The following ETV6 variants were observed in gnomAD, a reference collection of about 807,000 sequenced individuals.
The protein encoded by ETV6 is transcription factor ETV6.
In ETV6, 16 loss-of-function variants were observed where a neutral mutation model predicts 51.1. The ratio of observed to expected loss-of-function variants is 0.31; its 90% CI spans 0.21 to 0.48. ETV6 has a LOEUF of 0.48. Among genes scored for constraint, ETV6 ranks in the 20% least tolerant of loss-of-function variants. ETV6 has a pLI of 0.99. For synonymous variants in ETV6, 240 were observed against 224.1 expected, an observed-to-expected ratio of 1.07 and a Z score of -0.64; for missense variants, 458 against 594.8, an observed-to-expected ratio of 0.77 and a Z score of 2.39.
chr12:11,867,375 A>AT, intron 4 of ETV6, among the ~76,000 whole-genome samples: 1 of 152,138 alleles, frequency 6.6e-6, no homozygotes, highest in Admixed American at 6.5e-5. Context: ...GTAGTACTCC[A>AT]TTTTTTAGAG....
Position 11,894,111 on chromosome 12 carries a change from T to C in ETV6, c.*3065T>C, listed in dbSNP as rs897252393. On this transcript the variant is annotated 3_prime_UTR_variant, in exon 8 of 8. Transcript: ENST00000396373. The stretch of plus-strand genomic sequence containing the variant: ...AGTTAGCAAACCTTGATGAAGCACC[T>C]GCTGGACACTGAGGGACCCAAAGCT... The C allele has an allele frequency of 8.7e-6, 2 of 230,218 alleles. No individual in the cohort carries two copies. The highest frequency in any genetic ancestry group is 1.7e-5 in the Non-Finnish European group (2 of 116,294). The allele number at this position is 230,218 out of a possible 1,614,324, so 14.3% of individuals were successfully genotyped here.
At chr12:11,846,665 C>A (rs530513892) in intron 3 of ETV6, among the ~76,000 whole-genome samples, 31 of 152,246 alleles carry the variant, frequency 2.0e-4, no homozygotes, top group African/African-American at 7.2e-4. Context: ...GGAAATTCCC[C>A]AACCACCCCC....
Position 11,802,019 on chromosome 12 carries a change from G to A in ETV6, c.164-37121G>A, listed in dbSNP as rs550637112. ...ACTGAAGTTTTGGTGGAGGGGAGCA[G>A]AGCGAGGAACTCTTTGTTTGTGCAG... On this transcript the variant is annotated intron_variant, in intron 2 of 7. Coordinates refer to ENST00000396373, the MANE Select transcript of ETV6 (RefSeq NM_001987.5). Among the ~76,000 whole-genome samples, 6 of 152,342 alleles carry A rather than the reference G, an allele frequency of 3.9e-5. No individual in the cohort carries two copies. In the South Asian group the frequency reaches 1.2e-3, roughly 32 times the overall value.
chr12:11,678,023 G>C (rs1864454316), intron 1 of ETV6, among the ~76,000 whole-genome samples: 1 of 152,340 alleles, frequency 6.6e-6, no homozygotes, highest in East Asian at 1.9e-4. Context: ...CCCTTTGGAT[G>C]AAGAGCCTCG....
intron 1 of ETV6, among the ~76,000 whole-genome samples, chr12:11,678,027 A>T (rs756871718): frequency 3.9e-5 from 6 of 152,206 alleles, no homozygotes; most frequent in African/African-American, 4.8e-5. Context: ...TTGGATGAAG[A>T]GCCTCGTTGT....
intron 2 of ETV6, among the ~76,000 whole-genome samples, chr12:11,808,535 T>G (rs953273422): frequency 1.3e-4 from 20 of 152,168 alleles, no homozygotes; most frequent in Admixed American, 1.3e-3. Flanking sequence ...TACATTGTAT[T>G]CGTTACAAGT....
At chr12:11,809,065 A>T (rs2723813) in intron 2 of ETV6, among the ~76,000 whole-genome samples, 59,960 of 151,596 alleles carry the variant, frequency 0.4, 12,383 homozygotes, top group African/African-American at 0.51. Flanking sequence ...CTTGGGAGGC[A>T]TGAGGTGGGA....
At chr12:11,839,540 T>C (rs569658115) in intron 3 of ETV6, among the ~76,000 whole-genome samples, 4 of 152,292 alleles carry the variant, frequency 2.6e-5, no homozygotes, top group African/African-American at 9.6e-5. Context: ...GAACCCAGTT[T>C]AGTCCTACGT....
At chr12:11,749,275 G>C (rs1241172033) in intron 1 of ETV6, among the ~76,000 whole-genome samples, 1 of 133,186 alleles carries the variant, frequency 7.5e-6, no homozygotes, top group Non-Finnish European at 1.6e-5. Flanking sequence ...TGGGAAAATC[G>C]TTATCCCCCC....
chr12:11,886,196 A>G (rs1301173496), intron 7 of ETV6, among the ~76,000 whole-genome samples, 170 bp downstream of exon 7: 4 of 151,570 alleles, frequency 2.6e-5, no homozygotes, highest in African/African-American at 9.8e-5. Flanking sequence ...TAAGGAAAAT[A>G]TTTTTTTAAC....
intron 3 of ETV6, among the ~76,000 whole-genome samples, chr12:11,848,157 G>A (rs1946491802): frequency 6.6e-6 from 1 of 152,294 alleles, no homozygotes; most frequent in African/African-American, 2.4e-5. Flanking sequence ...GATGGCAGAC[G>A]TGGGGCTGGT....
intron 5 of ETV6, among the ~76,000 whole-genome samples, chr12:11,881,724 A>T (rs921068298): frequency 7.9e-5 from 12 of 152,260 alleles, no homozygotes; most frequent in Admixed American, 5.2e-4. Context: ...TTCAGACCAC[A>T]GCAGATCTCT....
intron 3 of ETV6, among the ~76,000 whole-genome samples, chr12:11,842,979 G>A (rs898474374): frequency 1.4e-4 from 21 of 152,228 alleles, no homozygotes; most frequent in Non-Finnish European, 2.2e-4. Flanking sequence ...TCTAAAACAA[G>A]AGGCAGGCCA....
At chr12:11,824,927 A>T (rs1208771570) in intron 2 of ETV6, among the ~76,000 whole-genome samples, 1 of 152,220 alleles carries the variant, frequency 6.6e-6, no homozygotes. Context: ...GGCTGGAACC[A>T]TGCCATTTCA....
At chr12:11,756,914 C>G (rs1283343631) in intron 2 of ETV6, among the ~76,000 whole-genome samples, 1 of 152,158 alleles carries the variant, frequency 6.6e-6, no homozygotes, top group Non-Finnish European at 1.5e-5. Context: ...TTTTAAATTT[C>G]TTTTAAACAT....
chr12:11,731,015 G>A (rs1865585788), intron 1 of ETV6, among the ~76,000 whole-genome samples: 1 of 152,190 alleles, frequency 6.6e-6, no homozygotes, highest in African/African-American at 2.4e-5. Flanking sequence ...CTCCAGTGTA[G>A]TTGGTGACCC....
At chr12:11,831,471 G>A (rs1401636149) in intron 2 of ETV6, among the ~76,000 whole-genome samples, 3 of 152,124 alleles carry the variant, frequency 2.0e-5, no homozygotes, top group African/African-American at 4.8e-5. Context: ...GCAATCCACC[G>A]GCCTTGGCCT....
chr12:11,853,599 A>G, intron 4 of ETV6, 38 bp downstream of exon 4: 3 of 1,607,158 alleles, frequency 1.9e-6, no homozygotes, highest in Non-Finnish European at 1.7e-6. Flanking sequence ...CCTGAGGTTT[A>G]GACAAATCCA....
intron 1 of ETV6, among the ~76,000 whole-genome samples, chr12:11,697,418 G>A (rs1156869561): frequency 2.6e-5 from 4 of 152,190 alleles, no homozygotes; most frequent in Admixed American, 6.5e-5. Flanking sequence ...CCTCATCTCC[G>A]TTCTCAAGAA....
Sources: allele counts gnomAD v4.1 joint callset (sites outside exome capture counted in the v4.1 genomes callset), GRCh38; gene constraint gnomAD v4.1.1; transcripts MANE v1.5; gene names NCBI Gene and HGNC (gene_info 2026-07-23, HGNC 2026-07-21).